NCOA6: variants seen among roughly 807,000 people sequenced by gnomAD.
The protein encoded by NCOA6 is nuclear receptor coactivator 6, also known as NRC RAP250.
A neutral mutation model predicts 171.4 loss-of-function variants in NCOA6; 49 were observed. The ratio of observed to expected loss-of-function variants is 0.29; its 90% confidence interval spans 0.23 to 0.36. NCOA6 has a LOEUF of 0.36. Ranked by LOEUF, NCOA6 falls within the 10% of genes least tolerant of loss-of-function variation. The pLI is 1.00. For synonymous variants in NCOA6, 910 were observed against 927.5 expected, an observed-to-expected ratio of 0.98 and a Z score of 0.34; for missense variants, 2,248 against 2,554.5, an observed-to-expected ratio of 0.88 and a Z score of 2.59.
intron 13 of NCOA6, among the ~76,000 whole-genome samples, chr20:34,730,544 T>G (rs953384405): frequency 6.6e-6 from 1 of 152,202 alleles, no homozygotes; most frequent in Non-Finnish European, 1.5e-5. Context: ...AAATAGCTGG[T>G]GCATGCTTGA....
At chr20:34,761,092 G>A (rs1257977249) in intron 5 of NCOA6, among the ~76,000 whole-genome samples, 1 of 152,016 alleles carries the variant, frequency 6.6e-6, no homozygotes, top group Non-Finnish European at 1.5e-5. Context: ...CGTGGTGGTG[G>A]GCGCCTGTAA....
In NCOA6 at chr20:34,732,592, A is replaced by G. The variant is rs763268766; in HGVS notation, c.5966T>C (p.Leu1989Pro). 1.9e-6 allele frequency: 3 copies of G among 1,613,304 alleles called. No individual in the cohort carries two copies. In the African/African-American group the frequency reaches 4.0e-5, roughly 22 times the overall value. The stretch of plus-strand genomic sequence containing the variant: ...AGAGACTATGGCAGCATTTACCTCC[A>G]GCTCTGCAAAAAAATATAAAGGATA... ...ALQASVARPE[L>P]EVNAAIVSGQ... Residue 1989 changes from leucine (L) to proline (P), a missense_variant, in exon 13 of 15, where the codon CTG (leucine) becomes CCG (proline). By Grantham distance (98) the Leu-to-Pro change is moderately conservative (BLOSUM62 -3). Around this residue, in one of 7 missense-constraint regions of NCOA6, gnomAD observed 884 missense variants for 941.9 expected, o/e 0.94. Transcript: ENST00000359003.
rs374248302 is a variant in NCOA6, at chr20:34,741,777, T to C, written c.4479A>G (p.Gln1493=). 76 of 1,614,192 alleles carry C rather than the reference T, an allele frequency of 4.7e-5. No individual in the cohort carries two copies. Among genetic ancestry groups the C allele is most frequent in the Non-Finnish European group, 6.3e-5 (74 of 1,180,038 alleles). Residue 1493 remains glutamine (Q), a synonymous_variant, in exon 11 of 15, where the codon CAA becomes CAG. Coordinates refer to ENST00000359003, the MANE Select transcript of NCOA6 (RefSeq NM_014071.5). ...AMREAPTSLS[Q]LLDNSGAPNV... is the part of the protein sequence containing the mutation. The stretch of plus-strand genomic sequence containing the variant: ...TGGGAGCTCCAGAGTTGTCAAGAAG[T>C]TGACTTAACGATGTTGGTGCTTCCC...
chr20:34,730,530 A>G (rs947403431), intron 13 of NCOA6, among the ~76,000 whole-genome samples: 2 of 152,304 alleles, frequency 1.3e-5, no homozygotes, highest in East Asian at 3.9e-4. Flanking sequence ...TTCTTTCTCT[A>G]GACAAATAGC....
Position 34,740,903 on chromosome 20 carries a change from G to A in NCOA6, c.5353C>T (p.Pro1785Ser). 1 of 1,614,198 alleles carries A rather than the reference G, an allele frequency of 6.2e-7. No homozygotes were observed. The highest frequency in any genetic ancestry group is 8.5e-7 in the Non-Finnish European group (1 of 1,180,028). The change falls in exon 11 of 15, where the codon CCC (proline) becomes TCC (serine). Residue 1785 changes from proline to serine, a missense_variant. Around this residue, in one of 7 missense-constraint regions of NCOA6, gnomAD observed 884 missense variants for 941.9 expected, o/e 0.94. Transcript: ENST00000359003. ...VNTSADQNTL[P>S]SSQSTTMVSP... The stretch of plus-strand genomic sequence containing the variant: ...ACCATTGTGGTTGACTGTGAAGAGG[G>A]AAGAGTGTTCTGATCTGCTGAGGTG...
chr20:34,779,027 A>G (rs2077436944), intron 3 of NCOA6, among the ~76,000 whole-genome samples: 1 of 151,884 alleles, frequency 6.6e-6, no homozygotes, highest in South Asian at 2.1e-4. Context: ...TGATTGTTGC[A>G]CAACATTATG....
chr20:34,730,499 T>A (rs1990483974), intron 13 of NCOA6, among the ~76,000 whole-genome samples: 1 of 152,160 alleles, frequency 6.6e-6, no homozygotes, highest in Non-Finnish European at 1.5e-5. Context: ...ACACCCCAAA[T>A]GTATTTTTGG....
chr20:34,730,735 T>C (rs1346514729), intron 13 of NCOA6, among the ~76,000 whole-genome samples: 6 of 139,546 alleles, frequency 4.3e-5, no homozygotes, highest in African/African-American at 1.6e-4. Context: ...TTTTTTAAGA[T>C]AGAGTCTTAC....
At position 34,742,138 on chromosome 20, in the gene NCOA6, T is replaced by G; in HGVS notation, c.4118A>C (p.Asn1373Thr). The change falls in exon 11 of 15, where the codon AAT (asparagine) becomes ACT (threonine). Residue 1373 changes from asparagine (N) to threonine (T), a missense_variant. This residue lies in a region of NCOA6 where 884 missense variants were observed against 941.9 expected (regional missense o/e 0.94). Coordinates refer to ENST00000359003, the MANE Select transcript of NCOA6 (RefSeq NM_014071.5). ...CAGAGGAGTGGGACTGACCAATACATTTCTCGGCAACTCCACATTCTGCAA... is the reference window on the plus strand; with the variant it reads ...CAGAGGAGTGGGACTGACCAATACAGTTCTCGGCAACTCCACATTCTGCAA... ...ALLQNVELPR[N>T]VLVSPTPLAN... 6.2e-7 allele frequency: 1 copy of G among 1,614,180 alleles called. No individual in the cohort carries two copies.
chr20:34,738,639 G>A (rs1363510104), intron 11 of NCOA6, among the ~76,000 whole-genome samples: 1 of 152,244 alleles, frequency 6.6e-6, no homozygotes, highest in Non-Finnish European at 1.5e-5. Flanking sequence ...AGGTGAAGAG[G>A]CAGAGAGAAG....
At chr20:34,792,312 G>T (rs2077912056) in intron 2 of NCOA6, 138 bp downstream of exon 2, 1 of 374,000 alleles carries the variant, frequency 2.7e-6, no homozygotes, top group African/African-American at 2.1e-5. Context: ...AATAGCATCT[G>T]TATTTTATTA....
At chr20:34,731,511 T>C (rs1309742407) in intron 13 of NCOA6, among the ~76,000 whole-genome samples, 1 of 152,244 alleles carries the variant, frequency 6.6e-6, no homozygotes, top group Non-Finnish European at 1.5e-5. Flanking sequence ...TTTACTTTCC[T>C]AATAGATACT....
At chr20:34,749,269 G>A in intron 9 of NCOA6, 134 bp downstream of exon 9, 3 of 1,111,620 alleles carry the variant, frequency 2.7e-6, no homozygotes, top group South Asian at 1.6e-5. Context: ...GACAGACTAT[G>A]AGTTGATAAT....
Position 34,749,836 on chromosome 20 carries a change from C to T in NCOA6, c.2359G>A (p.Val787Ile), listed in dbSNP as rs2076414703. 2 of 1,614,240 alleles carry T rather than the reference C, an allele frequency of 1.2e-6. No homozygotes were observed. The highest frequency in any genetic ancestry group is 1.7e-6 in the Non-Finnish European group (2 of 1,180,046). ...PSQVMGIQGQ[V>I]LRPPGPSPHM... is the part of the protein sequence containing the mutation. Reference sequence around the variant, plus strand: ...GGGCTGGGCCCTGGTGGCCGCAGGACCTGTCCCTGAATGCCCATAACCTGA... The same window carrying T: ...GGGCTGGGCCCTGGTGGCCGCAGGATCTGTCCCTGAATGCCCATAACCTGA... Residue 787 changes from valine (V) to isoleucine (I), a missense_variant, in exon 9 of 15, where the codon GTC becomes ATC. This residue lies in a region of NCOA6 where 987 missense variants were observed against 1,104.7 expected (regional missense o/e 0.89). Transcript: ENST00000359003.
intron 12 of NCOA6, 90 bp from the exon 13 acceptor site, chr20:34,732,685 A>C: frequency 9.1e-7 from 1 of 1,099,188 alleles, no homozygotes; most frequent in Non-Finnish European, 1.4e-6. Flanking sequence ...TGCCCTATTT[A>C]GGCTAAAGTG....
At chr20:34,725,040 C>T (rs979299221) in intron 14 of NCOA6, among the ~76,000 whole-genome samples, 2 of 152,136 alleles carry the variant, frequency 1.3e-5, no homozygotes, top group Admixed American at 6.5e-5. Flanking sequence ...TTACCTGCCT[C>T]GGCCTCCCAA....
intron 14 of NCOA6, 83 bp from the exon 15 acceptor site, chr20:34,715,448 G>C (rs1197734666): frequency 2.1e-6 from 2 of 959,742 alleles, no homozygotes; most frequent in Admixed American, 1.8e-5. Flanking sequence ...AAGCAGGGCA[G>C]ACCTAAGGGG....
intron 4 of NCOA6, among the ~76,000 whole-genome samples, chr20:34,772,657 G>A (rs977597315): frequency 1.3e-5 from 2 of 151,100 alleles, no homozygotes; most frequent in African/African-American, 2.5e-5. Context: ...TAAAGGTGCT[G>A]AGATAATGCA....
intron 1 of NCOA6, among the ~76,000 whole-genome samples, chr20:34,822,224 C>T (rs2079028417): frequency 2.0e-5 from 3 of 152,156 alleles, no homozygotes; most frequent in Admixed American, 2.0e-4. Flanking sequence ...CCACCACATA[C>T]TCCCCTTCTC....
Sources: gnomAD v4.1 joint callset for allele counts (sites outside exome capture counted in the v4.1 genomes callset) on GRCh38, gnomAD v4.1.1 for gene constraint, gnomAD v4.1.1 regional missense constraint, MANE v1.5 for transcripts, NCBI Gene and HGNC (gene_info 2026-07-23, HGNC 2026-07-21) for gene names.